ADGRB3: variants seen among roughly 807,000 people sequenced by gnomAD.
ADGRB3 encodes adhesion G protein-coupled receptor B3.
In ADGRB3, 37 loss-of-function variants were observed where a neutral mutation model predicts 193.4. The ratio of observed to expected loss-of-function variants is 0.19; its 90% CI spans 0.15 to 0.25. The LOEUF is 0.25. Ranked by LOEUF, ADGRB3 falls within the 10% of genes least tolerant of loss-of-function variation. The probability of loss-of-function intolerance (pLI) is 1.00; values close to 1 mark genes in which losing one functional copy is unlikely to be tolerated. For missense variants in ADGRB3, 1,637 were observed against 1,852.9 expected, an observed-to-expected ratio of 0.88 and a Z score of 2.14; for synonymous variants, 690 against 644.2, an observed-to-expected ratio of 1.07 and a Z score of -1.08.
At chr6:68,902,441 A>G (rs1766422101) in intron 3 of ADGRB3, among the ~76,000 whole-genome samples, 1 of 152,084 alleles carries the variant, frequency 6.6e-6, no homozygotes, top group South Asian at 2.1e-4. Flanking sequence ...TGATTTCTTC[A>G]TTATGAATCA....
chr6:69,341,709 C>A (rs899062822), intron 26 of ADGRB3, among the ~76,000 whole-genome samples: 3 of 152,088 alleles, frequency 2.0e-5, no homozygotes, highest in Admixed American at 6.6e-5. Context: ...CTATAACTAT[C>A]TTATGGGTCT....
intron 3 of ADGRB3, 140 bp downstream of exon 3, chr6:68,639,572 A>T: frequency 8.2e-7 from 1 of 1,217,656 alleles, no homozygotes; most frequent in Non-Finnish European, 1.1e-6. Context: ...CTATTCACTG[A>T]TAAAGGTCTC....
intron 8 of ADGRB3, among the ~76,000 whole-genome samples, chr6:68,968,502 G>GA (rs534805488): frequency 9.9e-5 from 15 of 151,954 alleles, no homozygotes; most frequent in Admixed American, 3.9e-4. Flanking sequence ...TTCACCAATG[G>GA]AACTAAAGGA....
At chr6:69,026,794 G>A (rs1003953464) in intron 13 of ADGRB3, among the ~76,000 whole-genome samples, 13 of 152,052 alleles carry the variant, frequency 8.5e-5, no homozygotes, top group African/African-American at 3.1e-4. Flanking sequence ...GTAAATACTT[G>A]TGTGCCTAAA....
At chr6:69,216,673 A>C (rs1765778666) in intron 17 of ADGRB3, among the ~76,000 whole-genome samples, 1 of 152,188 alleles carries the variant, frequency 6.6e-6, no homozygotes, top group African/African-American at 2.4e-5. Context: ...GAGAAACAGA[A>C]AAATAGCCTA....
chr6:68,955,902 T>C (rs1472958096), intron 6 of ADGRB3, 122 bp from the exon 7 acceptor site: 2 of 868,216 alleles, frequency 2.3e-6, no homozygotes, highest in Middle Eastern at 3.7e-4. Flanking sequence ...TGACCTTCCA[T>C]TGTATTCATT....
intron 3 of ADGRB3, among the ~76,000 whole-genome samples, chr6:68,770,795 C>A (rs1349731160): frequency 6.6e-6 from 1 of 152,098 alleles, no homozygotes; most frequent in African/African-American, 2.4e-5. Context: ...TGAGAATTGG[C>A]ACAGATAGTG....
intron 26 of ADGRB3, among the ~76,000 whole-genome samples, chr6:69,345,534 G>A (rs1298488852): frequency 6.6e-6 from 1 of 151,986 alleles, no homozygotes; most frequent in Non-Finnish European, 1.5e-5. Context: ...TGCAGAAAAG[G>A]CCTTCGATAA....
At chr6:68,832,038 A>G (rs1253841683) in intron 3 of ADGRB3, among the ~76,000 whole-genome samples, 2 of 152,148 alleles carry the variant, frequency 1.3e-5, no homozygotes, top group African/African-American at 2.4e-5. Context: ...AAGTTCCAAC[A>G]TTAGGAGTTT....
At chr6:69,224,016 A>G (rs1335890338) in intron 17 of ADGRB3, among the ~76,000 whole-genome samples, 2 of 151,998 alleles carry the variant, frequency 1.3e-5, no homozygotes, top group Admixed American at 1.3e-4. Context: ...ATATAGTTAC[A>G]CTGGAAAAAT....
intron 17 of ADGRB3, among the ~76,000 whole-genome samples, chr6:69,107,134 GC>G (rs1226054707): frequency 1.3e-5 from 2 of 152,084 alleles, no homozygotes; most frequent in African/African-American, 4.8e-5. Flanking sequence ...CAAAACAATA[GC>G]CACTATGACT....
At chr6:69,264,839 A>G (rs1767006882) in intron 20 of ADGRB3, among the ~76,000 whole-genome samples, 1 of 151,956 alleles carries the variant, frequency 6.6e-6, no homozygotes, top group Non-Finnish European at 1.5e-5. Flanking sequence ...CAATACTCTC[A>G]GGGTTTTGTT....
At chr6:68,772,933 A>ATG (rs1766665887) in intron 3 of ADGRB3, among the ~76,000 whole-genome samples, 1 of 54,420 alleles carries the variant, frequency 1.8e-5, no homozygotes. Flanking sequence ...ATATATATAT[A>ATG]CATACACACA....
At chr6:68,857,222 A>C (rs1013587615) in intron 3 of ADGRB3, among the ~76,000 whole-genome samples, 3 of 152,226 alleles carry the variant, frequency 2.0e-5, no homozygotes, top group South Asian at 2.1e-4. Context: ...CAGAGTCCCT[A>C]CTGTAGCACT....
intron 8 of ADGRB3, among the ~76,000 whole-genome samples, chr6:68,961,650 A>G (rs1768237177): frequency 6.6e-6 from 1 of 152,154 alleles, no homozygotes; most frequent in African/African-American, 2.4e-5. Context: ...TTAAGACTGA[A>G]TGTAATCATT....
intron 3 of ADGRB3, among the ~76,000 whole-genome samples, chr6:68,708,115 G>GT (rs1244712629): frequency 6.6e-6 from 1 of 152,140 alleles, no homozygotes; most frequent in Non-Finnish European, 1.5e-5. Context: ...AAATTTTCAG[G>GT]TAACAGACTT....
At chr6:69,031,058 T>TTTTTTTC (rs1562128918) in intron 13 of ADGRB3, among the ~76,000 whole-genome samples, 9 of 32,008 alleles carry the variant, frequency 2.8e-4, no homozygotes, top group Non-Finnish European at 6.2e-4. Flanking sequence ...TCTCTTCTCT[T>TTTTTTTC]CTCTTCTCTT....
At chr6:69,211,640 T>C (rs1025298594) in intron 17 of ADGRB3, among the ~76,000 whole-genome samples, 2 of 152,192 alleles carry the variant, frequency 1.3e-5, no homozygotes, top group African/African-American at 4.8e-5. Flanking sequence ...CTCATTTATA[T>C]TATATAAGAT....
At chr6:69,035,359 G>A (rs549996131) in intron 13 of ADGRB3, among the ~76,000 whole-genome samples, 3 of 56,582 alleles carry the variant, frequency 5.3e-5, no homozygotes, top group East Asian at 6.5e-4. Context: ...TGGGTTTTTT[G>A]CTTTTTTTGT....
Sources: allele counts gnomAD v4.1 joint callset (sites outside exome capture counted in the v4.1 genomes callset), GRCh38; gene constraint gnomAD v4.1.1; transcripts MANE v1.5; gene names NCBI Gene and HGNC (gene_info 2026-07-23, HGNC 2026-07-21).